The following PAK5 variants were observed in gnomAD, a reference collection of about 807,000 sequenced individuals.
PAK5 encodes serine/threonine-protein kinase PAK 5.
Under a neutral mutation model 65.9 loss-of-function variants are expected in PAK5, and 16 were observed. That is an observed-to-expected ratio of 0.24 (90% CI 0.16 to 0.37). The LOEUF (loss-of-function observed/expected upper bound fraction) is 0.37, where lower values mean the gene tolerates loss of function less well. PAK5 is among the 10% of genes least tolerant of loss of function. The probability of loss-of-function intolerance (pLI) is 1.00; values close to 1 mark genes in which losing one functional copy is unlikely to be tolerated. For missense variants in PAK5, 785 were observed against 903.9 expected, an observed-to-expected ratio of 0.87 and a Z score of 1.69; for synonymous variants, 371 against 354.9, an observed-to-expected ratio of 1.05 and a Z score of -0.51.
intron 1 of PAK5, among the ~76,000 whole-genome samples, chr20:9,814,308 C>T (rs1276230820): frequency 6.6e-6 from 1 of 152,014 alleles, no homozygotes; most frequent in Non-Finnish European, 1.5e-5. Flanking sequence ...GGTTTTTTAG[C>T]TGTTTGAGTC....
chr20:9,692,871 TA>T (rs575542773), intron 2 of PAK5, among the ~76,000 whole-genome samples: 172 of 151,856 alleles, frequency 1.1e-3, no homozygotes, highest in South Asian at 2.7e-3. Flanking sequence ...GTTTCTTCAT[TA>T]AAAAAAATTA....
Position 9,659,640 on chromosome 20 carries a change from A to C in PAK5, c.-11-15301T>G, listed in dbSNP as rs141270014. ...TTGAAGAAGACTGGGCCAAATAAGA[A>C]GGGAATTTGCTGTTACGAGTAAAGA... On this transcript the variant is annotated intron_variant, in intron 2 of 9. Transcript: ENST00000353224. Among the ~76,000 whole-genome samples, 369 of 152,328 alleles carry C rather than the reference A, an allele frequency of 2.4e-3. 1 individual carries two copies. The highest frequency in any genetic ancestry group is 3.5e-3 in the Non-Finnish European group (240 of 68,030).
rs562440550 is a variant in PAK5, at chr20:9,804,696, C to T, written c.-162+34066G>A. 1.4e-4 allele frequency among the ~76,000 whole-genome samples: 21 copies of T among 152,136 alleles called. No individual in the cohort carries two copies. The East Asian group carries it at 4.1e-3, about 29-fold the overall frequency. ...TTATAACACCTAAAGCGCAAGCAAC[C>T]GAAGAAAAATGATAACTTTGGCTTC... On this transcript the variant is annotated intron_variant, in intron 1 of 9. Transcript: ENST00000353224.
At chr20:9,746,632 C>A (rs184660293) in intron 1 of PAK5, among the ~76,000 whole-genome samples, 1 of 152,200 alleles carries the variant, frequency 6.6e-6, no homozygotes, top group Admixed American at 6.5e-5. Context: ...TAGCCATTAG[C>A]CACAGTGTTA....
chr20:9,695,836 ACTT>A (rs1301243433), intron 2 of PAK5, among the ~76,000 whole-genome samples: 1 of 151,838 alleles, frequency 6.6e-6, no homozygotes, highest in African/African-American at 2.4e-5. Flanking sequence ...TTCTAAAAAA[ACTT>A]CTAAGTTCTA....
intron 1 of PAK5, among the ~76,000 whole-genome samples, chr20:9,790,345 G>A (rs1262491599): frequency 6.6e-6 from 1 of 152,036 alleles, no homozygotes; most frequent in East Asian, 1.9e-4. Flanking sequence ...AGGGGCCCCA[G>A]AAAAGTTAAA....
intron 1 of PAK5, among the ~76,000 whole-genome samples, chr20:9,837,064 A>G (rs376781241): frequency 3.9e-5 from 6 of 152,324 alleles, no homozygotes; most frequent in African/African-American, 1.2e-4. Flanking sequence ...TTAGATATCA[A>G]TTTTCAATTA....
In PAK5 at chr20:9,541,241, G is replaced by T. The variant is rs551592841; in HGVS notation, c.2004+1345C>A. Among the ~76,000 whole-genome samples, 3 of 152,288 alleles carry T rather than the reference G, an allele frequency of 2.0e-5. No homozygotes were observed. The South Asian group carries it at 6.2e-4, about 32-fold the overall frequency. On this transcript the variant is annotated intron_variant, in intron 9 of 9. Transcript: ENST00000353224. ...CACACACTCTCTTTTATTGTCATAA[G>T]ATAGGAAGAGAGGTGTGTATGGGGC...
At chr20:9,741,524 T>A (rs906229225) in intron 1 of PAK5, among the ~76,000 whole-genome samples, 22 of 152,154 alleles carry the variant, frequency 1.4e-4, no homozygotes, top group African/African-American at 5.3e-4. Flanking sequence ...AAGTCTCCAC[T>A]CTCTTGGTTA....
At chr20:9,542,509 G>A in intron 9 of PAK5, 77 bp downstream of exon 9, 2 of 1,400,620 alleles carry the variant, frequency 1.4e-6, no homozygotes, top group Non-Finnish European at 2.0e-6. Flanking sequence ...GATGTGGTAA[G>A]CCAGTCTTAA....
intron 1 of PAK5, among the ~76,000 whole-genome samples, chr20:9,746,983 T>TA (rs1569070775): frequency 6.6e-6 from 1 of 151,704 alleles, no homozygotes. Flanking sequence ...ATAGACGCAA[T>TA]AAAAAATGGT....
intron 1 of PAK5, among the ~76,000 whole-genome samples, chr20:9,787,656 T>C (rs2086509519): frequency 6.8e-6 from 1 of 147,380 alleles, no homozygotes; most frequent in Non-Finnish European, 1.5e-5. Flanking sequence ...TGTGTGTGTG[T>C]ATGTGTATAC....
intron 1 of PAK5, among the ~76,000 whole-genome samples, chr20:9,764,761 C>T (rs924066456): frequency 1.7e-4 from 26 of 152,054 alleles, no homozygotes; most frequent in African/African-American, 4.6e-4. Context: ...TGGATAACTT[C>T]GAGTACAGTT....
At chr20:9,571,877 G>C (rs553835534) in intron 4 of PAK5, among the ~76,000 whole-genome samples, 68 of 146,152 alleles carry the variant, frequency 4.7e-4, no homozygotes, top group Admixed American at 1.3e-3. Flanking sequence ...TGAATGATGG[G>C]GGGGGGGGAT....
intron 2 of PAK5, among the ~76,000 whole-genome samples, chr20:9,693,570 C>T (rs529653782): frequency 6.6e-6 from 1 of 152,112 alleles, no homozygotes; most frequent in Admixed American, 6.6e-5. Flanking sequence ...ACTCAAAGAG[C>T]CATATAGTTC....
At chr20:9,826,103 G>A (rs946926517) in intron 1 of PAK5, among the ~76,000 whole-genome samples, 46 of 152,310 alleles carry the variant, frequency 3.0e-4, no homozygotes, top group African/African-American at 1.1e-3. Context: ...TGATTGCCAT[G>A]AAGAAACATG....
chr20:9,591,288 T>C (rs113303059), intron 3 of PAK5, among the ~76,000 whole-genome samples: 4 of 152,144 alleles, frequency 2.6e-5, no homozygotes, highest in African/African-American at 7.2e-5. Flanking sequence ...AAATGCTGCC[T>C]CTCTATAGAA....
intron 3 of PAK5, among the ~76,000 whole-genome samples, chr20:9,584,633 C>T (rs1041664020): frequency 2.0e-5 from 3 of 152,198 alleles, no homozygotes; most frequent in Non-Finnish European, 4.4e-5. Context: ...TCTCTATTTC[C>T]TCAGGGTGGC....
intron 1 of PAK5, among the ~76,000 whole-genome samples, chr20:9,817,382 C>T (rs1167098821): frequency 6.6e-6 from 1 of 152,162 alleles, no homozygotes; most frequent in Non-Finnish European, 1.5e-5. Context: ...TACTTCTCTG[C>T]TAAGCCCGAT....
Sources: gnomAD v4.1 joint callset for allele counts (sites outside exome capture counted in the v4.1 genomes callset) on GRCh38, gnomAD v4.1.1 for gene constraint, MANE v1.5 for transcripts, NCBI Gene and HGNC (gene_info 2026-07-23, HGNC 2026-07-21) for gene names.